Variants in GALNTL5 observed in about 807,000 individuals in gnomAD.
GALNTL5 encodes inactive polypeptide N-acetylgalactosaminyltransferase-like protein 5.
Under a neutral mutation model 51.0 loss-of-function variants are expected in GALNTL5, and 44 were observed. That is an observed-to-expected ratio of 0.86 (90% CI 0.68 to 1.11). The LOEUF (loss-of-function observed/expected upper bound fraction) is 1.11. Ranked by LOEUF, GALNTL5 falls within the 50% of genes least tolerant of loss-of-function variation. GALNTL5 has a pLI of 0.00. For missense variants in GALNTL5, 528 were observed against 531.8 expected, an observed-to-expected ratio of 0.99 and a Z score of 0.07; for synonymous variants, 192 against 182.8, an observed-to-expected ratio of 1.05 and a Z score of -0.41.
intron 4 of GALNTL5, among the ~76,000 whole-genome samples, chr7:151,984,700 G>A (rs2081338819): frequency 1.3e-5 from 2 of 152,174 alleles, no homozygotes; most frequent in Admixed American, 1.3e-4. Context: ...GACCCACGCT[G>A]CCTCTTCTGC....
At chr7:151,996,660 G>C (rs2081504157) in intron 5 of GALNTL5, among the ~76,000 whole-genome samples, 2 of 152,238 alleles carry the variant, frequency 1.3e-5, no homozygotes, top group Admixed American at 1.3e-4. Flanking sequence ...GAGGCAGGAG[G>C]ATCGCTCGAG....
chr7:151,973,186 G>A (rs139627164), intron 3 of GALNTL5, among the ~76,000 whole-genome samples: 68 of 152,172 alleles, frequency 4.5e-4, no homozygotes, highest in African/African-American at 1.5e-3. Flanking sequence ...GCCAGGCACT[G>A]TGGCTCAAGC....
At chr7:151,978,779 C>T (rs1230860202) in intron 3 of GALNTL5, among the ~76,000 whole-genome samples, 4 of 152,142 alleles carry the variant, frequency 2.6e-5, no homozygotes, top group Non-Finnish European at 5.9e-5. Context: ...TAACTCTTAA[C>T]GTCATCTTCC....
At chr7:151,979,616 C>T (rs60476299) in intron 3 of GALNTL5, among the ~76,000 whole-genome samples, 5,907 of 151,834 alleles carry the variant, frequency 0.039, 195 homozygotes, top group East Asian at 0.2. Context: ...CCCGCCACCA[C>T]GGCTAATTTT....
intron 1 of GALNTL5, chr7:151,957,815 A>T (rs1325697521): frequency 6.6e-6 from 1 of 152,204 alleles, no homozygotes; most frequent in East Asian, 1.9e-4. Context: ...TGAAGAAAAT[A>T]ACTGAACATG....
chr7:151,971,178 C>T, intron 3 of GALNTL5, 113 bp downstream of exon 3: 6 of 852,206 alleles, frequency 7.0e-6, no homozygotes, highest in Non-Finnish European at 1.1e-5. Context: ...TTTGATCATA[C>T]TAGAAATGTT....
chr7:151,987,361 G>A, intron 5 of GALNTL5, 80 bp downstream of exon 5: 1 of 1,229,752 alleles, frequency 8.1e-7, no homozygotes, highest in Non-Finnish European at 1.1e-6. Flanking sequence ...TCTGCAGGGA[G>A]ACCTTCTATG....
At chr7:151,968,137 A>G (rs1439871207) in intron 2 of GALNTL5, among the ~76,000 whole-genome samples, 2 of 152,078 alleles carry the variant, frequency 1.3e-5, no homozygotes, top group Admixed American at 1.3e-4. Flanking sequence ...CTCAACAAAA[A>G]TAGTAATAAA....
chr7:152,013,409 C>T (rs766448728), intron 7 of GALNTL5, among the ~76,000 whole-genome samples: 34 of 152,110 alleles, frequency 2.2e-4, no homozygotes, highest in Non-Finnish European at 3.7e-4. Context: ...CATGTATCAG[C>T]TAGCTTTTGC....
intron 7 of GALNTL5, among the ~76,000 whole-genome samples, chr7:152,012,276 C>G (rs1289959896): frequency 6.6e-6 from 1 of 152,196 alleles, no homozygotes; most frequent in Non-Finnish European, 1.5e-5. Context: ...CAATCTATCA[C>G]ACCAAGTTTC....
intron 8 of GALNTL5, 109 bp from the exon 9 acceptor site, chr7:152,019,537 T>G: frequency 8.8e-7 from 1 of 1,130,954 alleles, no homozygotes. Flanking sequence ...TCTGGAGGGC[T>G]TTTTTAGTTC....
chr7:151,970,510 G>T lies in GALNTL5; in HGVS notation c.248-435G>T, dbSNP rs1030121211. 1.2e-5 allele frequency: 2 copies of T among 165,794 alleles called. 1 individual carries two copies. The highest frequency in any genetic ancestry group is 2.9e-4 in the South Asian group (2 of 6,800). 10.3% of individuals were successfully genotyped at this position (165,794 alleles called of 1,614,324 possible). A position where few individuals can be genotyped will look rare whatever the true frequency, so the allele number is the denominator to read the frequency against. On this transcript the variant is annotated intron_variant, in intron 2 of 8. Coordinates refer to ENST00000392800, the MANE Select transcript of GALNTL5 (RefSeq NM_145292.4). ...ATCCCTCATGAATGGCTTGGTGCCT[G>T]CCTACAGTAATGAGCTCTCCTTCTA...
chr7:151,966,079 T>G (rs2081055396), intron 1 of GALNTL5, among the ~76,000 whole-genome samples: 1 of 152,138 alleles, frequency 6.6e-6, no homozygotes, highest in Admixed American at 6.6e-5. Context: ...TTGCACTGCT[T>G]TTCATGTTTT....
At chr7:151,994,008 A>G (rs1253956556) in intron 5 of GALNTL5, among the ~76,000 whole-genome samples, 3 of 152,316 alleles carry the variant, frequency 2.0e-5, no homozygotes, top group East Asian at 1.9e-4. Context: ...TTTTGTTCAT[A>G]TCTTTGATGA....
intron 2 of GALNTL5, among the ~76,000 whole-genome samples, chr7:151,970,251 C>G (rs2081118334): frequency 1.3e-5 from 2 of 152,148 alleles, no homozygotes. Flanking sequence ...CTTTATCTCC[C>G]TATTTCCATG....
At chr7:151,962,208 GGTCA>G (rs1374395428) in intron 1 of GALNTL5, among the ~76,000 whole-genome samples, 4 of 151,534 alleles carry the variant, frequency 2.6e-5, no homozygotes, top group Admixed American at 2.0e-4. Flanking sequence ...TTACCATGTT[GGTCA>G]GGCTGGTCTT....
intron 1 of GALNTL5, among the ~76,000 whole-genome samples, chr7:151,964,828 T>C (rs1262034374): frequency 3.3e-5 from 5 of 152,194 alleles, no homozygotes; most frequent in Admixed American, 1.3e-4. Context: ...CATTTCAGCA[T>C]GTGGAGGTCT....
chr7:152,001,075 T>C (rs2081572492), intron 5 of GALNTL5, among the ~76,000 whole-genome samples: 1 of 150,018 alleles, frequency 6.7e-6, no homozygotes. Flanking sequence ...CTGGCTAATT[T>C]TTTTTTTTTG....
intron 5 of GALNTL5, among the ~76,000 whole-genome samples, chr7:151,987,898 C>T (rs78982688): frequency 1.9e-3 from 287 of 152,264 alleles, no homozygotes; most frequent in African/African-American, 6.6e-3. Context: ...GCAATGGGAC[C>T]GGGTGGCGCA....
Sources: allele counts gnomAD v4.1 joint callset (sites outside exome capture counted in the v4.1 genomes callset), GRCh38; gene constraint gnomAD v4.1.1; transcripts MANE v1.5; gene names NCBI Gene and HGNC (gene_info 2026-07-23, HGNC 2026-07-21).